SMTN: variants seen among roughly 807,000 people sequenced by gnomAD.
The protein encoded by SMTN is smoothelin.
Under a neutral mutation model 102.0 loss-of-function variants are expected in SMTN, and 58 were observed. The observed-to-expected ratio is 0.57, with a 90% CI of 0.46 to 0.71. The LOEUF is 0.71. Ranked by LOEUF, SMTN falls within the 30% of genes least tolerant of loss-of-function variation. The probability of loss-of-function intolerance (pLI) is 0.00; values close to 1 mark genes in which losing one functional copy is unlikely to be tolerated. For missense variants in SMTN, 1,185 were observed against 1,241.7 expected (o/e 0.95, Z 0.69); for synonymous variants, 478 against 497.9 (o/e 0.96, Z 0.53).
chr22:31,085,110 C>A, intron 2 of SMTN: 1 of 1,535,304 alleles, frequency 6.5e-7, no homozygotes, highest in Non-Finnish European at 8.7e-7. Context: ...TTGCACGCCG[C>A]GTGCCCCTCC....
At position 31,090,139 on chromosome 22, in the gene SMTN, C is replaced by T; in HGVS notation, c.824C>T (p.Ala275Val). 1 of 1,612,788 alleles carries T rather than the reference C, an allele frequency of 6.2e-7. No individual in the cohort carries two copies. The highest frequency in any genetic ancestry group is 1.3e-5 in the African/African-American group (1 of 74,990). Residue 275 changes from alanine (A) to valine (V), a missense_variant, in exon 8 of 21, where the codon GCC becomes GTC. This residue lies in a region of SMTN where 1,096 missense variants were observed against 1,112.7 expected (regional missense o/e 0.98). Coordinates refer to ENST00000333137, the MANE Select transcript of SMTN (RefSeq NM_134269.3). ...TCTGGCCCCAAAGAGACCCCTGCTG[C>T]CCAGAGCCCCACCAGAGGCCCCTCT... Reference protein sequence around the residue: ...LLSGPKETPAAQSPTRGPSDT... With the variant: ...LLSGPKETPAVQSPTRGPSDT...
Position 31,088,893 on chromosome 22 carries a change from T to TG in SMTN, c.396dup (p.Tyr133ValfsTer25), listed in dbSNP as rs748760546. ...CCAGCTGCCACCTTGGCTGGGAGGT[T>TG]GTACAGCGGGCGTCCCAACAGTGGC... On this transcript the variant is annotated frameshift_variant, in exon 6 of 21. Coordinates refer to ENST00000333137, the MANE Select transcript of SMTN (RefSeq NM_134269.3). LOFTEE classifies it high-confidence loss of function. 1 of 1,613,798 alleles carries TG rather than the reference T, an allele frequency of 6.2e-7. No individual in the cohort carries two copies. The highest frequency in any genetic ancestry group is 8.5e-7 in the Non-Finnish European group (1 of 1,180,010).
chr22:31,089,221 G>T (rs1182812229), intron 6 of SMTN, among the ~76,000 whole-genome samples: 1 of 152,202 alleles, frequency 6.6e-6, no homozygotes, highest in African/African-American at 2.4e-5. Flanking sequence ...TATGGGGCCT[G>T]CATGTCAGAC....
Position 31,098,854 on chromosome 22 carries a change from G to A in SMTN, c.2333+14G>A, listed in dbSNP as rs1178739273. The A allele has an allele frequency of 6.3e-7, 1 of 1,594,356 alleles. No homozygotes were observed. The highest frequency in any genetic ancestry group is 8.5e-7 in the Non-Finnish European group (1 of 1,175,658). ...GGGCGCGGCCGGGTGAGCTGCAGAA[G>A]TGGGCTGGGCAGTGGGGGGCGGGGC... On this transcript the variant is annotated intron_variant, in intron 17 of 20. Transcript: ENST00000333137.
chr22:31,085,265 C>T (rs1211230815), intron 2 of SMTN: 2 of 1,516,626 alleles, frequency 1.3e-6, no homozygotes, highest in Admixed American at 4.0e-5. Context: ...TACCTGGCTA[C>T]CCCTTCGGCG....
At chr22:31,084,907 A>G in intron 2 of SMTN, 1 of 1,276,866 alleles carries the variant, frequency 7.8e-7, no homozygotes, top group African/African-American at 1.6e-5. Context: ...GCCTCGTGGC[A>G]AGAACGGGGG....
intron 16 of SMTN, among the ~76,000 whole-genome samples, 178 bp downstream of exon 16, chr22:31,097,516 C>A (rs2043688772): frequency 6.6e-6 from 1 of 151,958 alleles, no homozygotes; most frequent in South Asian, 2.1e-4. Context: ...CCAGCCTGGC[C>A]AACATGGTAA....
chr22:31,083,317 GC>G lies in SMTN; in HGVS notation c.51+12del, dbSNP rs750231571. 6 of 1,556,354 alleles carry G rather than the reference GC, an allele frequency of 3.9e-6. No homozygotes were observed. In the Admixed American group the frequency reaches 9.9e-5, roughly 26 times the overall value. On this transcript the variant is annotated intron_variant, in intron 2 of 20. Transcript: ENST00000333137. ...GGAGCCCTTCGGAAGCTGGTAAGTGGCCCCATCACCCACTGTGGGGACAGGA... is the reference window on the plus strand; with the variant it reads ...GGAGCCCTTCGGAAGCTGGTAAGTGGCCCATCACCCACTGTGGGGACAGGA...
chr22:31,085,178 T>C (rs1206983968), intron 2 of SMTN: 3 of 1,535,382 alleles, frequency 2.0e-6, no homozygotes, highest in Non-Finnish European at 1.7e-6. Context: ...CCTCCGCCAC[T>C]CAGCTGGGTG....
chr22:31,104,436 C>A lies in SMTN; in HGVS notation c.*141C>A. On this transcript the variant is annotated 3_prime_UTR_variant, in exon 21 of 21. Coordinates refer to ENST00000333137, the MANE Select transcript of SMTN (RefSeq NM_134269.3). ...CGCTCTACAACCACCTGCGACGCCACGAACTGCGCCTGCGCGGCAAGAATG... is the reference window on the plus strand; with the variant it reads ...CGCTCTACAACCACCTGCGACGCCAAGAACTGCGCCTGCGCGGCAAGAATG... The A allele has an allele frequency of 1.9e-6, 3 of 1,614,100 alleles. No homozygotes were observed. Among genetic ancestry groups the A allele is most frequent in the Non-Finnish European group, 2.5e-6 (3 of 1,180,028 alleles).
chr22:31,075,680 T>TAA (rs35406100), intron 1 of SMTN, among the ~76,000 whole-genome samples: 3 of 133,726 alleles, frequency 2.2e-5, no homozygotes, highest in African/African-American at 5.6e-5. Context: ...GACTCTGTCT[T>TAA]AAAAAAAAAA....
chr22:31,101,957 A>T (rs567435126), intron 20 of SMTN: 2 of 152,246 alleles, frequency 1.3e-5, no homozygotes, highest in East Asian at 3.9e-4. Context: ...AGCTAGAGAG[A>T]CAGGCTTCCC....
In SMTN at chr22:31,095,410, T is replaced by C; in HGVS notation, c.1740T>C (p.Ala580=). ...CAGAAGGGCGGAGCCCTCTGAGCGC[T>C]GAGGAGCTGATGACTATTGAGGATG... ...KAPEGRSPLS[A]EELMTIEDEG... is the part of the protein sequence containing the mutation. The change falls in exon 12 of 21, where the codon GCT becomes GCC. Residue 580 remains alanine (A), a synonymous_variant. Transcript: ENST00000333137. The surrounding 1 kb of genome is among the most constrained non-coding windows in gnomAD (Gnocchi z 4.1). The C allele has an allele frequency of 5.0e-6, 8 of 1,614,218 alleles. No homozygotes were observed. Among genetic ancestry groups the C allele is most frequent in the Non-Finnish European group, 6.8e-6 (8 of 1,180,034 alleles).
intron 1 of SMTN, among the ~76,000 whole-genome samples, chr22:31,075,497 A>G (rs942123738): frequency 6.6e-6 from 1 of 152,126 alleles, no homozygotes; most frequent in African/African-American, 2.4e-5. Context: ...CCTGGCCAAC[A>G]TGTCAAAACC....
rs1365659922 is a variant in SMTN at position 31,101,149 on chromosome 22, A to C, written c.*20+100A>C. On this transcript the variant is annotated intron_variant, in intron 20 of 20. Coordinates refer to ENST00000333137, the MANE Select transcript of SMTN (RefSeq NM_134269.3). ...GGCGGGTGGGGGAAGTAAGGGGGGC[A>C]TTTAGTCAAGCCAGAGGAGCCAGAC... is the stretch of plus-strand genomic sequence containing the variant. The C allele has an allele frequency of 4.2e-6, 5 of 1,180,758 alleles. No individual in the cohort carries two copies. In the African/African-American group the frequency reaches 7.7e-5, roughly 18 times the overall value. 73.1% of individuals were successfully genotyped at this position (1,180,758 alleles called of 1,614,324 possible). A position where few individuals can be genotyped will look rare whatever the true frequency, so the allele number is the denominator to read the frequency against.
chr22:31,082,541 C>G lies in SMTN; in HGVS notation c.-80-638C>G, dbSNP rs1251803333. The G allele has an allele frequency of 6.1e-6, 3 of 495,604 alleles. No individual in the cohort carries two copies. The East Asian group carries it at 1.8e-4, about 31-fold the overall frequency. 30.7% of individuals were successfully genotyped at this position (495,604 alleles called of 1,614,324 possible). A position where few individuals can be genotyped will look rare whatever the true frequency, so the allele number is the denominator to read the frequency against. On this transcript the variant is annotated intron_variant, in intron 1 of 20. Transcript: ENST00000333137. ...GTTTGCCTGAAATCCAGGGGTTGGG[C>G]AGGTCAGCTTCTGAAAGCCCTTCCA...
intron 2 of SMTN, chr22:31,084,949 G>C (rs1394325718): frequency 7.2e-7 from 1 of 1,385,494 alleles, no homozygotes; most frequent in Non-Finnish European, 9.3e-7. Context: ...CCGCGGGGCC[G>C]GGCCATATAA....
rs369957080 is a variant in SMTN, at chr22:31,098,693, G to C, written c.2186G>C (p.Ser729Thr). ...GSIFDREDQASPRAGSLAALE... is the reference protein window; with the variant it reads ...GSIFDREDQATPRAGSLAALE... ...ATCTTCGACCGCGAGGACCAGGCCA[G>C]CCCACGGGCCGGCAGCCTGGCGGCG... The change falls in exon 17 of 21, where the codon AGC (serine) becomes ACC (threonine). Residue 729 changes from serine (S) to threonine (T), a missense_variant. Transcript: ENST00000333137. The C allele has an allele frequency of 2.8e-5, 45 of 1,613,404 alleles. 1 individual carries two copies. The highest frequency in any genetic ancestry group is 3.8e-5 in the Non-Finnish European group (45 of 1,179,936).
intron 11 of SMTN, 151 bp downstream of exon 11, chr22:31,091,998 C>T (rs1038166290): frequency 1.4e-6 from 1 of 733,670 alleles, no homozygotes; most frequent in Non-Finnish European, 2.2e-6. Flanking sequence ...GCTCACAGAC[C>T]ACAGCCAGTC....
Sources: allele counts gnomAD v4.1 joint callset (sites outside exome capture counted in the v4.1 genomes callset), GRCh38; gene constraint gnomAD v4.1.1; regional missense constraint gnomAD v4.1.1; non-coding constraint Gnocchi (gnomAD v3.1); transcripts MANE v1.5; gene names NCBI Gene and HGNC (gene_info 2026-07-23, HGNC 2026-07-21).